The following KIF3C variants were observed in gnomAD, a reference collection of about 807,000 sequenced individuals.
The protein encoded by KIF3C is kinesin-like protein KIF3C.
KIF3C carries 12 observed loss-of-function variants against 67.7 expected under a neutral mutation model. The observed-to-expected ratio is 0.18, with a 90% CI of 0.11 to 0.29. The LOEUF is 0.29. KIF3C is among the 10% of genes least tolerant of loss of function. The probability of loss-of-function intolerance (pLI) is 1.00; values close to 1 mark genes in which losing one functional copy is unlikely to be tolerated. For synonymous variants in KIF3C, 393 were observed against 426.2 expected (o/e 0.92, Z 0.96); for missense variants, 789 against 1,059.6 (o/e 0.74, Z 3.55).
At chr2:25,968,664 G>A (rs1664201585) in intron 1 of KIF3C, among the ~76,000 whole-genome samples, 1 of 152,108 alleles carries the variant, frequency 6.6e-6, no homozygotes, top group Non-Finnish European at 1.5e-5. Flanking sequence ...GGCCCAGAGG[G>A]GTTAGGTTCG....
At chr2:25,951,345 CTG>C (rs1027688880) in intron 5 of KIF3C, 2 of 165,926 alleles carry the variant, frequency 1.2e-5, no homozygotes, top group African/African-American at 4.8e-5. Flanking sequence ...TCCCACTGGA[CTG>C]TGAGCTCGGA....
intron 1 of KIF3C, among the ~76,000 whole-genome samples, chr2:25,976,580 T>C (rs1306263969): frequency 2.0e-5 from 3 of 152,054 alleles, no homozygotes; most frequent in Non-Finnish European, 4.4e-5. Context: ...GCCAACCTCA[T>C]GAAACCCCGT....
chr2:25,936,043 C>T (rs967906794), intron 5 of KIF3C, among the ~76,000 whole-genome samples: 8 of 151,506 alleles, frequency 5.3e-5, no homozygotes, highest in African/African-American at 1.7e-4. Context: ...GCCAACATCA[C>T]GCCACTACAC....
intron 1 of KIF3C, among the ~76,000 whole-genome samples, chr2:25,959,292 A>G (rs1221851345): frequency 1.3e-5 from 2 of 152,156 alleles, no homozygotes; most frequent in Non-Finnish European, 2.9e-5. Context: ...TAATAGAATA[A>G]TTATTCATTT....
intron 1 of KIF3C, among the ~76,000 whole-genome samples, chr2:25,956,848 A>T (rs1452918939): frequency 6.6e-6 from 1 of 152,206 alleles, no homozygotes; most frequent in Non-Finnish European, 1.5e-5. Context: ...GCCTTTAGCT[A>T]ACTGGCTTCC....
intron 5 of KIF3C, among the ~76,000 whole-genome samples, chr2:25,935,937 A>T (rs900385607): frequency 1.5e-4 from 23 of 151,834 alleles, no homozygotes; most frequent in African/African-American, 5.6e-4. Flanking sequence ...AAAAAAAAAA[A>T]TTAGCCAGGC....
Position 25,939,894 on chromosome 2 carries a change from G to A in KIF3C, c.2007-9831C>T, listed in dbSNP as rs143685605. ...GAACCTGTGAGGTGGAGGTTGCAGTGAGCCAAGATCGTGCCACTGTACTCC... is the reference window on the plus strand; with the variant it reads ...GAACCTGTGAGGTGGAGGTTGCAGTAAGCCAAGATCGTGCCACTGTACTCC... On this transcript the variant is annotated intron_variant, in intron 5 of 7. Transcript: ENST00000264712. Among the ~76,000 whole-genome samples, 641 of 152,126 alleles carry A rather than the reference G, an allele frequency of 4.2e-3. 5 individuals are homozygous for A. The highest frequency in any genetic ancestry group is 0.015 in the African/African-American group (621 of 41,476).
intron 5 of KIF3C, among the ~76,000 whole-genome samples, chr2:25,934,738 T>A (rs1394263964): frequency 6.6e-6 from 1 of 152,110 alleles, no homozygotes; most frequent in African/African-American, 2.4e-5. Flanking sequence ...ATAGGTCAAC[T>A]ACATCTCAAC....
At chr2:25,953,933 C>T (rs1159870226) in intron 4 of KIF3C, among the ~76,000 whole-genome samples, 1 of 152,054 alleles carries the variant, frequency 6.6e-6, no homozygotes, top group Non-Finnish European at 1.5e-5. Flanking sequence ...TCCCAAAGTG[C>T]TGGGATTACA....
intron 1 of KIF3C, among the ~76,000 whole-genome samples, chr2:25,974,689 C>G (rs1341352063): frequency 1.3e-5 from 2 of 151,976 alleles, no homozygotes; most frequent in African/African-American, 2.4e-5. Context: ...AGAGAGGAGA[C>G]CTCGATCTGG....
chr2:25,979,493 C>T (rs115483245), intron 1 of KIF3C, among the ~76,000 whole-genome samples: 113 of 152,262 alleles, frequency 7.4e-4, no homozygotes, highest in Middle Eastern at 3.4e-3. Flanking sequence ...CTCTATTTTA[C>T]AGAAAGGTAA....
rs1014167106 is a variant in KIF3C at position 25,928,741 on chromosome 2, C to A, written c.*237G>T. 2.4e-5 allele frequency: 11 copies of A among 454,192 alleles called. No individual in the cohort carries two copies. Among genetic ancestry groups the A allele is most frequent in the Non-Finnish European group, 4.0e-5 (10 of 252,156 alleles). 28.1% of individuals were successfully genotyped at this position (454,192 alleles called of 1,614,324 possible). The stretch of plus-strand genomic sequence containing the variant: ...ACGCAGTGACCACGGTAGGCCCAGA[C>A]GGCTCAGGCGAGGGCATCTCCCCAA... On this transcript the variant is annotated 3_prime_UTR_variant, in exon 8 of 8. Transcript: ENST00000264712.
In KIF3C at chr2:25,928,937, T is replaced by C. The variant is rs764703396; in HGVS notation, c.*41A>G. The C allele has an allele frequency of 5.6e-5, 87 of 1,560,572 alleles. No homozygotes were observed. The South Asian group carries it at 9.7e-4, about 17-fold the overall frequency. ...AGATGAGCCAGGGTTGGCTGCCCCATCCCAGGAGTCTATTGGATGGGCAGC... is the reference window on the plus strand; with the variant it reads ...AGATGAGCCAGGGTTGGCTGCCCCACCCCAGGAGTCTATTGGATGGGCAGC... On this transcript the variant is annotated 3_prime_UTR_variant, in exon 8 of 8. Coordinates refer to ENST00000264712, the MANE Select transcript of KIF3C (RefSeq NM_002254.8).
Position 25,981,760 on chromosome 2 carries a change from T to C in KIF3C, c.158A>G (p.Glu53Gly), listed in dbSNP as rs760185665. 6.2e-7 allele frequency: 1 copy of C among 1,613,472 alleles called. No individual in the cohort carries two copies. The highest frequency in any genetic ancestry group is 8.5e-7 in the Non-Finnish European group (1 of 1,179,736). ...TLRNPRAAPG[E>G]LPKTFTFDAV... The stretch of plus-strand genomic sequence containing the variant: ...GTCAAAGGTGAAGGTCTTGGGCAGC[T>C]CCCCCGGGGCGGCGCGGGGGTTCCG... The change falls in exon 1 of 8, where the codon GAG (glutamate) becomes GGG (glycine). Residue 53 changes from glutamate to glycine, a missense_variant. Around this residue, in one of 2 missense-constraint regions of KIF3C, gnomAD observed 141 missense variants for 251.8 expected, o/e 0.56. Coordinates refer to ENST00000264712, the MANE Select transcript of KIF3C (RefSeq NM_002254.8). This position sits in a 1 kb window ranked among gnomAD's most constrained non-coding sequence, Gnocchi z 8.2.
Position 25,981,095 on chromosome 2 carries a change from C to T in KIF3C, c.823G>A (p.Gly275Ser), listed in dbSNP as rs371488984. The change falls in exon 1 of 8, where the codon GGT becomes AGT. Residue 275 changes from glycine to serine, a missense_variant. By Grantham distance (56) the Gly-to-Ser change is moderately conservative. Around this residue, in one of 2 missense-constraint regions of KIF3C, gnomAD observed 648 missense variants for 807.8 expected, o/e 0.80. Coordinates refer to ENST00000264712, the MANE Select transcript of KIF3C (RefSeq NM_002254.8). This position sits in a 1 kb window ranked among gnomAD's most constrained non-coding sequence, Gnocchi z 8.2. ...CCAGCACCACCACCACTGCCTCCAC[C>T]GCCACCACCGCCACCCGAGGATGGT... ...ATPSSGGGGGGGGSGGGAGGE... is the reference protein window; with the variant it reads ...ATPSSGGGGGSGGSGGGAGGE... 6.3e-5 allele frequency: 101 copies of T among 1,614,028 alleles called. No individual in the cohort carries two copies. The highest frequency in any genetic ancestry group is 1.6e-4 in the Middle Eastern group (1 of 6,084).
chr2:25,976,932 T>C (rs930278703), intron 1 of KIF3C, among the ~76,000 whole-genome samples: 2 of 152,134 alleles, frequency 1.3e-5, no homozygotes, highest in Non-Finnish European at 2.9e-5. Flanking sequence ...TACCAAATAT[T>C]TGAAGTTTTC....
intron 1 of KIF3C, among the ~76,000 whole-genome samples, chr2:25,968,841 T>C (rs1664207508): frequency 6.6e-6 from 1 of 152,086 alleles, no homozygotes; most frequent in Admixed American, 6.6e-5. Context: ...TTTTCTTTTT[T>C]GAGACAGAGT....
chr2:25,953,470 C>T (rs1416206505), intron 4 of KIF3C, among the ~76,000 whole-genome samples: 3 of 147,964 alleles, frequency 2.0e-5, no homozygotes, highest in Non-Finnish European at 4.5e-5. Flanking sequence ...ACACCATTCT[C>T]CTGCCTCAGC....
rs748522419 is a variant in KIF3C at position 25,981,062 on chromosome 2, T to C, written c.856A>G (p.Arg286Gly). The C allele has an allele frequency of 6.2e-7, 1 of 1,614,084 alleles. No individual in the cohort carries two copies. Among genetic ancestry groups the C allele is most frequent in the Non-Finnish European group, 8.5e-7 (1 of 1,179,986 alleles). ...GGSGGGAGGE[R>G]PKEASKINLS... ...TTGATTTTGGAGGCTTCCTTAGGCC[T>C]CTCTCCACCAGCACCACCACCACTG... The change falls in exon 1 of 8, where the codon AGG becomes GGG. Residue 286 changes from arginine (R) to glycine (G), a missense_variant. Arg to Gly is a moderately radical substitution (Grantham distance 125). This residue lies in a region of KIF3C where 648 missense variants were observed against 807.8 expected (regional missense o/e 0.80). Coordinates refer to ENST00000264712, the MANE Select transcript of KIF3C (RefSeq NM_002254.8). This position sits in a 1 kb window ranked among gnomAD's most constrained non-coding sequence, Gnocchi z 8.2.
Sources: allele counts gnomAD v4.1 joint callset (sites outside exome capture counted in the v4.1 genomes callset), GRCh38; gene constraint gnomAD v4.1.1; regional missense constraint gnomAD v4.1.1; non-coding constraint Gnocchi (gnomAD v3.1); transcripts MANE v1.5; gene names NCBI Gene and HGNC (gene_info 2026-07-23, HGNC 2026-07-21).